The following TSHZ3 variants were observed in gnomAD, a reference collection of about 807,000 sequenced individuals.
The protein encoded by TSHZ3 is teashirt homolog 3.
A neutral mutation model predicts 64.5 loss-of-function variants in TSHZ3; 10 were observed. That is an observed-to-expected ratio of 0.16 (90% CI 0.10 to 0.26). The LOEUF (loss-of-function observed/expected upper bound fraction) is 0.26, where lower values mean the gene tolerates loss of function less well. TSHZ3 is among the 10% of genes least tolerant of loss of function. The pLI, the probability that TSHZ3 is intolerant of heterozygous loss-of-function variation, is 1.00. For missense variants in TSHZ3, 1,242 were observed against 1,421.7 expected, an observed-to-expected ratio of 0.87 and a Z score of 2.03; for synonymous variants, 608 against 593.1, an observed-to-expected ratio of 1.03 and a Z score of -0.36.
At chr19:31,214,620 T>C (rs1208031347) in intron 4 of TSHZ3, among the ~76,000 whole-genome samples, 1 of 152,106 alleles carries the variant, frequency 6.6e-6, no homozygotes, top group Non-Finnish European at 1.5e-5. Context: ...TCCTAAAGAA[T>C]CAGGCAGGCC....
intron 1 of TSHZ3, among the ~76,000 whole-genome samples, chr19:31,330,703 C>T (rs1244583394): frequency 1.3e-5 from 1 of 78,726 alleles, no homozygotes; most frequent in East Asian, 3.3e-4. Flanking sequence ...CTGTTTAATC[C>T]TTGGGCGGGG....
At chr19:31,264,113 G>T (rs1471982579) in intron 1 of TSHZ3, among the ~76,000 whole-genome samples, 4 of 152,180 alleles carry the variant, frequency 2.6e-5, no homozygotes, top group Admixed American at 1.3e-4. Context: ...GGAGGCAGGG[G>T]TATCCAAATG....
At chr19:31,299,480 T>C (rs763168420) in intron 1 of TSHZ3, among the ~76,000 whole-genome samples, 20 of 152,156 alleles carry the variant, frequency 1.3e-4, no homozygotes, top group Non-Finnish European at 2.1e-4. Context: ...TTTTTCTTCT[T>C]GATCAAGAGG....
In TSHZ3 at chr19:31,338,998, C is replaced by T. The variant is rs1037006475; in HGVS notation, c.40+10182G>A. 3.0e-4 allele frequency among the ~76,000 whole-genome samples: 46 copies of T among 152,112 alleles called. 1 individual carries two copies. Among genetic ancestry groups the T allele is most frequent in the African/African-American group, 8.9e-4 (37 of 41,494 alleles). On this transcript the variant is annotated intron_variant, in intron 1 of 1. Coordinates refer to ENST00000240587, the MANE Select transcript of TSHZ3 (RefSeq NM_020856.4). The stretch of plus-strand genomic sequence containing the variant: ...CCGACTCTCAAGTTACAGGTTTACA[C>T]GGCAAGTCTAAATAATATTCAAAAT...
intron 1 of TSHZ3, among the ~76,000 whole-genome samples, chr19:31,346,395 G>A (rs902003448): frequency 1.3e-5 from 2 of 152,196 alleles, no homozygotes; most frequent in African/African-American, 4.8e-5. Context: ...CATCAAACTA[G>A]CTGCAAACCT....
chr19:31,204,468 G>A (rs527464428), intron 5 of TSHZ3, among the ~76,000 whole-genome samples: 4 of 151,864 alleles, frequency 2.6e-5, no homozygotes, highest in East Asian at 3.9e-4. Flanking sequence ...GGGTGTGGTG[G>A]ACAAATGCAG....
intron 1 of TSHZ3, among the ~76,000 whole-genome samples, chr19:31,267,168 G>T (rs75490136): frequency 0.021 from 3,242 of 152,178 alleles, 119 homozygotes; most frequent in African/African-American, 0.075. Flanking sequence ...TTTTCTTCTT[G>T]TTCTTGATGA....
chr19:31,349,026 G>C, intron 1 of TSHZ3, 154 bp downstream of exon 1: 1 of 917,396 alleles, frequency 1.1e-6, no homozygotes, highest in Non-Finnish European at 1.5e-6. Flanking sequence ...CGGTACCCGA[G>C]GCGGGCGCAC....
In TSHZ3 at chr19:31,349,149, G is replaced by A. The variant is rs1004863140; in HGVS notation, c.40+31C>T. The A allele has an allele frequency of 3.2e-6, 5 of 1,539,020 alleles. No homozygotes were observed. The Admixed American group carries it at 7.9e-5, about 24-fold the overall frequency. ...GGGGCGAGCGGAGGAAGAGGAGGAGGAGAGCAGAAGGAAGGGGAAGCGGCT... is the reference window on the plus strand; with the variant it reads ...GGGGCGAGCGGAGGAAGAGGAGGAGAAGAGCAGAAGGAAGGGGAAGCGGCT... On this transcript the variant is annotated intron_variant, in intron 1 of 1. Transcript: ENST00000240587.
chr19:31,227,980 C>T (rs1975491133), intron 4 of TSHZ3, among the ~76,000 whole-genome samples: 1 of 152,190 alleles, frequency 6.6e-6, no homozygotes, highest in African/African-American at 2.4e-5. Context: ...GGACCCCCAA[C>T]AAGTCCATAA....
chr19:31,306,284 T>C (rs948944905), intron 1 of TSHZ3, among the ~76,000 whole-genome samples: 1 of 152,102 alleles, frequency 6.6e-6, no homozygotes, highest in Non-Finnish European at 1.5e-5. Context: ...CACTACTGAG[T>C]GTGACAAATT....
At chr19:31,297,479 T>G (rs1465018948) in intron 1 of TSHZ3, among the ~76,000 whole-genome samples, 3 of 152,098 alleles carry the variant, frequency 2.0e-5, no homozygotes, top group Non-Finnish European at 4.4e-5. Flanking sequence ...ATTTTCTAAT[T>G]TTTTATTTTT....
intron 1 of TSHZ3, among the ~76,000 whole-genome samples, chr19:31,297,460 A>G (rs981413367): frequency 2.0e-5 from 3 of 152,002 alleles, no homozygotes; most frequent in African/African-American, 7.3e-5. Flanking sequence ...AGAAAGTTCT[A>G]CAACCTCGAT....
chr19:31,167,862 C>T (rs1274830988), intron 5 of TSHZ3: 2 of 152,202 alleles, frequency 1.3e-5, no homozygotes, highest in Non-Finnish European at 1.5e-5. Flanking sequence ...ATACCCCTCC[C>T]GTCGCTTCCC....
intron 1 of TSHZ3, among the ~76,000 whole-genome samples, chr19:31,254,532 T>C (rs1975883699): frequency 6.6e-6 from 1 of 152,200 alleles, no homozygotes; most frequent in African/African-American, 2.4e-5. Flanking sequence ...CTGGCTTTCA[T>C]ATTTCTGAGG....
chr19:31,230,937 C>A (rs1357372386), intron 3 of TSHZ3, among the ~76,000 whole-genome samples: 7 of 151,616 alleles, frequency 4.6e-5, no homozygotes, highest in Admixed American at 4.6e-4. Flanking sequence ...CTCCTGACCT[C>A]GTGATCCTCC....
At chr19:31,314,465 C>T (rs1916550344) in intron 1 of TSHZ3, among the ~76,000 whole-genome samples, 1 of 152,220 alleles carries the variant, frequency 6.6e-6, no homozygotes, top group African/African-American at 2.4e-5. Context: ...TGGCTGCTCA[C>T]CTCCTTCTGC....
intron 5 of TSHZ3, among the ~76,000 whole-genome samples, chr19:31,183,202 C>T (rs1434741530): frequency 2.7e-5 from 2 of 74,106 alleles, no homozygotes; most frequent in Non-Finnish European, 4.9e-5. Flanking sequence ...CTCTCTCTCT[C>T]TCTCTCTCTC....
chr19:31,322,533 A>T (rs1345083111), intron 1 of TSHZ3, among the ~76,000 whole-genome samples: 1 of 152,158 alleles, frequency 6.6e-6, no homozygotes, highest in Non-Finnish European at 1.5e-5. Context: ...GGATTCTCCC[A>T]TCTCAGCCTC....
Sources: allele counts gnomAD v4.1 joint callset (sites outside exome capture counted in the v4.1 genomes callset), GRCh38; gene constraint gnomAD v4.1.1; transcripts MANE v1.5; gene names NCBI Gene and HGNC (gene_info 2026-07-23, HGNC 2026-07-21).